Variants in CIMIP6 observed in about 807,000 individuals in gnomAD.
The protein encoded by CIMIP6 is ciliary microtubule inner protein 6.
At chr2:54,349,615 A>G in the CIMIP6 span, among the ~76,000 whole-genome samples, 3 of 152,192 alleles carry the variant, frequency 2.0e-5, no homozygotes, top group East Asian at 5.8e-4. Context: ...TACTTTGGGT[A>G]CAATTTGAAT....
chr2:54,375,172 T>C, the CIMIP6 span, among the ~76,000 whole-genome samples: 1 of 152,016 alleles, frequency 6.6e-6, no homozygotes, highest in African/African-American at 2.4e-5. Context: ...AGTGTTGACA[T>C]AGCAAAAAAT....
At chr2:54,360,813 T>A in the CIMIP6 span, 2 of 346,060 alleles carry the variant, frequency 5.8e-6, no homozygotes, top group Non-Finnish European at 1.0e-5. Context: ...GCACAACACA[T>A]GATCGTAATT....
chr2:54,379,783 C>G, the CIMIP6 span, among the ~76,000 whole-genome samples: 157 of 151,834 alleles, frequency 1.0e-3, 4 homozygotes, highest in Admixed American at 0.01. Context: ...TGAGACCAGC[C>G]TGACCAACAT....
At chr2:54,367,512 A>C in the CIMIP6 span, among the ~76,000 whole-genome samples, 1 of 152,074 alleles carries the variant, frequency 6.6e-6, no homozygotes, top group Non-Finnish European at 1.5e-5. Context: ...ATCATACAAA[A>C]ATATATATAT....
chr2:54,351,391 T>C, the CIMIP6 span, among the ~76,000 whole-genome samples: 2 of 152,186 alleles, frequency 1.3e-5, no homozygotes, highest in African/African-American at 4.8e-5. Flanking sequence ...CCATCAACTG[T>C]AGACTGCTTA....
At chr2:54,364,581 CA>C in the CIMIP6 span, among the ~76,000 whole-genome samples, 2 of 152,160 alleles carry the variant, frequency 1.3e-5, no homozygotes, top group African/African-American at 2.4e-5. Flanking sequence ...CTGCAGTTAG[CA>C]AGCAACTAGG....
the CIMIP6 span, among the ~76,000 whole-genome samples, chr2:54,378,542 G>A: frequency 6.6e-6 from 1 of 152,180 alleles, no homozygotes; most frequent in Admixed American, 6.5e-5. Context: ...AAATATGCAT[G>A]TGAAATTACC....
chr2:54,369,064 G>A, the CIMIP6 span, among the ~76,000 whole-genome samples: 11 of 152,176 alleles, frequency 7.2e-5, no homozygotes, highest in East Asian at 9.7e-4. Flanking sequence ...TGCATGCATC[G>A]TATGCACAAA....
chr2:54,367,687 T>C, the CIMIP6 span, among the ~76,000 whole-genome samples: 1 of 152,050 alleles, frequency 6.6e-6, no homozygotes, highest in Non-Finnish European at 1.5e-5. Context: ...AGAACTTCAT[T>C]GCCAACTTAA....
chr2:54,373,737 G>C, the CIMIP6 span, among the ~76,000 whole-genome samples: 3 of 152,086 alleles, frequency 2.0e-5, no homozygotes, highest in African/African-American at 7.2e-5. Context: ...CTATGTCCTT[G>C]GGCTGAAGGA....
At chr2:54,335,829 G>A in the CIMIP6 span, among the ~76,000 whole-genome samples, 1 of 152,142 alleles carries the variant, frequency 6.6e-6, no homozygotes, top group South Asian at 2.1e-4. Context: ...GGGTTTCCTT[G>A]CCTTTCCCAG....
the CIMIP6 span, chr2:54,339,914 G>A: frequency 5.3e-6 from 2 of 378,852 alleles, 1 homozygote; most frequent in Non-Finnish European, 6.8e-6. Flanking sequence ...CTCAAAGAAT[G>A]GAAAATAGGT....
chr2:54,347,407 A>G, the CIMIP6 span, among the ~76,000 whole-genome samples: 3 of 152,252 alleles, frequency 2.0e-5, no homozygotes, highest in African/African-American at 7.2e-5. Context: ...CTCCTCAAAG[A>G]AAATGGCTTG....
the CIMIP6 span, among the ~76,000 whole-genome samples, chr2:54,362,564 T>C: frequency 1.3e-5 from 2 of 152,190 alleles, no homozygotes; most frequent in African/African-American, 4.8e-5. Context: ...GTGTGGTTTT[T>C]TGTTTTGAGG....
chr2:54,382,563 C>T, the CIMIP6 span, among the ~76,000 whole-genome samples: 1 of 152,118 alleles, frequency 6.6e-6, no homozygotes, highest in African/African-American at 2.4e-5. Context: ...TCCAGTATCT[C>T]TACCTCTTCA....
At chr2:54,377,455 T>C in the CIMIP6 span, among the ~76,000 whole-genome samples, 1 of 152,056 alleles carries the variant, frequency 6.6e-6, no homozygotes, top group Non-Finnish European at 1.5e-5. Flanking sequence ...TTATATAGTT[T>C]ATATAGTTTA....
At chr2:54,381,909 A>G in the CIMIP6 span, 3 of 1,550,608 alleles carry the variant, frequency 1.9e-6, no homozygotes, top group East Asian at 2.4e-5. Flanking sequence ...GCAGGAAGAA[A>G]AGGAACAGAG....
the CIMIP6 span, among the ~76,000 whole-genome samples, chr2:54,366,505 A>C: frequency 7.2e-5 from 11 of 152,224 alleles, no homozygotes; most frequent in Non-Finnish European, 1.3e-4. Flanking sequence ...GGATTAAAGA[A>C]AGATGTGAGT....
the CIMIP6 span, chr2:54,383,820 A>C: frequency 4.6e-5 from 7 of 152,236 alleles, no homozygotes; most frequent in South Asian, 1.5e-3. Flanking sequence ...TGAGTAGGAC[A>C]TGAGGGCTCT....
Sources: gnomAD v4.1 joint callset for allele counts (sites outside exome capture counted in the v4.1 genomes callset) on GRCh38, gnomAD v4.1.1 for gene constraint, MANE v1.5 for transcripts, NCBI Gene and HGNC (gene_info 2026-07-23, HGNC 2026-07-21) for gene names.